The following KDM7A variants were observed in gnomAD, a reference collection of about 807,000 sequenced individuals.
KDM7A encodes the protein lysine-specific demethylase 7A.
Under a neutral mutation model 114.8 loss-of-function variants are expected in KDM7A, and 28 were observed. That is an observed-to-expected ratio of 0.24 (90% CI 0.18 to 0.33). The LOEUF (loss-of-function observed/expected upper bound fraction) is 0.33, where lower values mean the gene tolerates loss of function less well. Among genes scored for constraint, KDM7A ranks in the 10% least tolerant of loss-of-function variants. The pLI is 1.00. For synonymous variants in KDM7A, 423 were observed against 397.8 expected (o/e 1.06, Z -0.75); for missense variants, 942 against 1,142.5 (o/e 0.82, Z 2.53).
intron 11 of KDM7A, 38 bp from the exon 12 acceptor site, chr7:140,102,198 C>A (rs753390406): frequency 7.3e-7 from 1 of 1,370,088 alleles, no homozygotes; most frequent in Non-Finnish European, 1.0e-6. Context: ...TATAAGAAGG[C>A]TGTTACACAC....
intron 1 of KDM7A, among the ~76,000 whole-genome samples, chr7:140,161,609 G>A (rs966083326): frequency 2.0e-5 from 3 of 151,534 alleles, no homozygotes; most frequent in Admixed American, 1.3e-4. Flanking sequence ...GTGCTGTGGC[G>A]TGATCTCGGC....
At chr7:140,093,579 A>C (rs1343091277) in intron 18 of KDM7A, among the ~76,000 whole-genome samples, 3 of 152,176 alleles carry the variant, frequency 2.0e-5, no homozygotes, top group Non-Finnish European at 4.4e-5. Context: ...ATAAAGTTTT[A>C]GTTTTTTCAA....
intron 8 of KDM7A, among the ~76,000 whole-genome samples, chr7:140,119,762 T>A (rs1266024152): frequency 1.3e-5 from 2 of 152,142 alleles, no homozygotes; most frequent in African/African-American, 4.8e-5. Flanking sequence ...AGCCACTATC[T>A]CCCCTAATAA....
intron 9 of KDM7A, among the ~76,000 whole-genome samples, chr7:140,115,440 T>C (rs1481314563): frequency 6.6e-6 from 1 of 152,230 alleles, no homozygotes; most frequent in Non-Finnish European, 1.5e-5. Context: ...TCCATTTTGT[T>C]CTGTACTAAG....
At chr7:140,140,157 A>C (rs1029894917) in intron 1 of KDM7A, among the ~76,000 whole-genome samples, 2 of 152,218 alleles carry the variant, frequency 1.3e-5, no homozygotes, top group African/African-American at 4.8e-5. Flanking sequence ...CCTTGGTACC[A>C]AAACTTGGAA....
chr7:140,144,554 G>C (rs1794319201), intron 1 of KDM7A, among the ~76,000 whole-genome samples: 1 of 152,156 alleles, frequency 6.6e-6, no homozygotes. Context: ...TTTAGTGTGA[G>C]ACACTCAGCT....
chr7:140,175,935 A>G (rs2116867969), intron 1 of KDM7A, among the ~76,000 whole-genome samples: 1 of 151,826 alleles, frequency 6.6e-6, no homozygotes, highest in South Asian at 2.1e-4. Context: ...GGTCCGGAGA[A>G]GCGTTCCCTT....
chr7:140,121,772 C>T (rs1422665875), intron 7 of KDM7A, among the ~76,000 whole-genome samples: 5 of 152,044 alleles, frequency 3.3e-5, no homozygotes, highest in African/African-American at 1.2e-4. Flanking sequence ...CTATCTGAGC[C>T]TAGAAATTAG....
chr7:140,110,254 T>C (rs924277250), intron 11 of KDM7A, among the ~76,000 whole-genome samples: 2 of 152,256 alleles, frequency 1.3e-5, no homozygotes, highest in African/African-American at 4.8e-5. Flanking sequence ...ATGAGATTTA[T>C]ATATGTATAA....
chr7:140,106,648 G>C (rs568653057), intron 11 of KDM7A, among the ~76,000 whole-genome samples: 57 of 152,310 alleles, frequency 3.7e-4, no homozygotes, highest in African/African-American at 1.3e-3. Context: ...TGTGGTCTGA[G>C]AGACAGTTTG....
chr7:140,092,123 T>C (rs767592651), intron 18 of KDM7A, 46 bp from the exon 19 acceptor site: 1 of 1,592,862 alleles, frequency 6.3e-7, no homozygotes, highest in Non-Finnish European at 8.6e-7. Flanking sequence ...AGGGTTTAAA[T>C]GAGGTATTTA....
At chr7:140,121,215 T>G (rs543966138) in intron 7 of KDM7A, among the ~76,000 whole-genome samples, 1 of 152,320 alleles carries the variant, frequency 6.6e-6, no homozygotes, top group South Asian at 2.1e-4. Context: ...ATATTTTGTA[T>G]TCCCATACAA....
chr7:140,100,041 G>T lies in KDM7A; in HGVS notation c.1639-18C>A. Reference sequence around the variant, plus strand: ...AAGATGTCCTGAAGGTATAAATGCAGAACTTACTTACCATCCACCCTCAGG... The same window carrying T: ...AAGATGTCCTGAAGGTATAAATGCATAACTTACTTACCATCCACCCTCAGG... On this transcript the variant is annotated intron_variant, in intron 12 of 19. Transcript: ENST00000397560. 1 of 1,613,716 alleles carries T rather than the reference G, an allele frequency of 6.2e-7. No individual in the cohort carries two copies. The highest frequency in any genetic ancestry group is 8.5e-7 in the Non-Finnish European group (1 of 1,179,696).
chr7:140,147,431 TA>T (rs1310480328), intron 1 of KDM7A, among the ~76,000 whole-genome samples: 2 of 152,212 alleles, frequency 1.3e-5, no homozygotes, highest in Non-Finnish European at 2.9e-5. Context: ...TTTCAACATG[TA>T]AAGTACAACT....
At chr7:140,098,330 A>C (rs1585138048) in intron 14 of KDM7A, among the ~76,000 whole-genome samples, 1 of 152,366 alleles carries the variant, frequency 6.6e-6, no homozygotes, top group Non-Finnish European at 1.5e-5. Flanking sequence ...TTGAGAAACT[A>C]AGGCTTAATT....
chr7:140,107,492 G>T (rs1380635905), intron 11 of KDM7A, among the ~76,000 whole-genome samples: 1 of 152,178 alleles, frequency 6.6e-6, no homozygotes, highest in Non-Finnish European at 1.5e-5. Context: ...CTCAGCATTT[G>T]CTTCTCTGTA....
At chr7:140,153,303 C>T (rs1045618455) in intron 1 of KDM7A, among the ~76,000 whole-genome samples, 1 of 151,592 alleles carries the variant, frequency 6.6e-6, no homozygotes, top group African/African-American at 2.4e-5. Flanking sequence ...CTGGCTAACA[C>T]AGTGAAACCC....
intron 1 of KDM7A, among the ~76,000 whole-genome samples, chr7:140,152,153 CCT>C (rs1383540951): frequency 1.3e-5 from 2 of 152,152 alleles, no homozygotes; most frequent in African/African-American, 4.8e-5. Context: ...ATATTAAAGG[CCT>C]CTCTGCTGGA....
chr7:140,164,799 A>G (rs1427111347), intron 1 of KDM7A, among the ~76,000 whole-genome samples: 1 of 152,208 alleles, frequency 6.6e-6, no homozygotes, highest in African/African-American at 2.4e-5. Flanking sequence ...GTAGCCAGGT[A>G]AGGGTGTAGT....
Sources: allele counts gnomAD v4.1 joint callset (sites outside exome capture counted in the v4.1 genomes callset), GRCh38; gene constraint gnomAD v4.1.1; transcripts MANE v1.5; gene names NCBI Gene and HGNC (gene_info 2026-07-23, HGNC 2026-07-21).